The following GABARAP variants were observed in gnomAD, a reference collection of about 807,000 sequenced individuals.
The protein encoded by GABARAP is GABA type A receptor-associated protein, also known as gamma-aminobutyric acid receptor-associated protein.
In GABARAP, 5 loss-of-function variants were observed where a neutral mutation model predicts 16.7. The observed-to-expected ratio is 0.30, with a 90% CI of 0.16 to 0.63. The LOEUF is 0.63. Ranked by LOEUF, GABARAP falls within the 20% of genes least tolerant of loss-of-function variation. GABARAP has a pLI of 0.82. For synonymous variants in GABARAP, 45 were observed against 52.7 expected, an observed-to-expected ratio of 0.85 and a Z score of 0.64; for missense variants, 84 against 146.6, an observed-to-expected ratio of 0.57 and a Z score of 2.21.
rs554573710 is a variant in GABARAP at position 7,240,759 on chromosome 17, G to T, written c.*95C>A. On this transcript the variant is annotated 3_prime_UTR_variant, in exon 4 of 4. Coordinates refer to ENST00000302386, the MANE Select transcript of GABARAP (RefSeq NM_007278.2). ...GAAGTGCCGGTCCTGAATAAGGGAG[G>T]TGGTGTTTGAGCTTGAAGGAGGAGG... 3.8e-6 allele frequency: 3 copies of T among 798,954 alleles called. No individual in the cohort carries two copies. The Admixed American group carries it at 5.6e-5, about 15-fold the overall frequency. The allele number at this position is 798,954 out of a possible 1,614,324, so 49.5% of individuals were successfully genotyped here.
chr17:7,241,557 C>T, intron 2 of GABARAP, 44 bp downstream of exon 2: 3 of 1,450,488 alleles, frequency 2.1e-6, no homozygotes, highest in Non-Finnish European at 2.9e-6. Context: ...AGACTGCACT[C>T]CCACCCACAG....
rs1382637057 is a variant in GABARAP at position 7,241,677 on chromosome 17, C to T, written c.93G>A (p.Val31=). Residue 31 remains valine (V), a splice_region_variant and synonymous_variant, in exon 2 of 4, where the codon GTG becomes GTA. Coordinates refer to ENST00000302386, the MANE Select transcript of GABARAP (RefSeq NM_007278.2). ...GAGCTTTGGGAGCCTTTTCTACTAT[C>T]ACCTGATAAAGAGATGAAAATTAGG... is the stretch of plus-strand genomic sequence containing the variant. ...IRKKYPDRVP[V]IVEKAPKARI... is the part of the protein sequence containing the mutation. 5 of 1,590,974 alleles carry T rather than the reference C, an allele frequency of 3.1e-6. No individual in the cohort carries two copies. The Admixed American group carries it at 6.7e-5, about 21-fold the overall frequency.
chr17:7,240,235 A>G lies in GABARAP; in HGVS notation c.*619T>C, dbSNP rs1160676989. 6.6e-6 allele frequency: 1 copy of G among 152,344 alleles called. No individual in the cohort carries two copies. Among genetic ancestry groups the G allele is most frequent in the East Asian group, 1.9e-4 (1 of 5,204 alleles). The allele number at this position is 152,344 out of a possible 1,614,324, so 9.4% of individuals were successfully genotyped here. A position where few individuals can be genotyped will look rare whatever the true frequency, so the allele number is the denominator to read the frequency against. ...ATAATCCTCAGTATTCCATTCCATC[A>G]CAACAAAAGCACCCTCTTTTTGCAG... On this transcript the variant is annotated 3_prime_UTR_variant, in exon 4 of 4. Transcript: ENST00000302386.
Position 7,242,352 on chromosome 17 carries a change from C to T in GABARAP, c.-22G>A, listed in dbSNP as rs1408163535. ...TCATCCTCCCGGGAACCGGGCTGGACAGGGCTGGGCTGAGGGAACCCAGGG... is the reference window on the plus strand; with the variant it reads ...TCATCCTCCCGGGAACCGGGCTGGATAGGGCTGGGCTGAGGGAACCCAGGG... On this transcript the variant is annotated 5_prime_UTR_variant, in exon 1 of 4. Transcript: ENST00000302386. 12 of 1,594,064 alleles carry T rather than the reference C, an allele frequency of 7.5e-6. No individual in the cohort carries two copies. The highest frequency in any genetic ancestry group is 1.7e-4 in the Middle Eastern group (1 of 6,032).
chr17:7,240,787 G>A lies in GABARAP; in HGVS notation c.*67C>T, dbSNP rs2071768006. ...GTGTTTGAGCTTGAAGGAGGAGGAG[G>A]TCAAGAAAGGGGGGCCACCTCTCTC... On this transcript the variant is annotated 3_prime_UTR_variant, in exon 4 of 4. Transcript: ENST00000302386. 2.9e-6 allele frequency: 3 copies of A among 1,044,450 alleles called. No individual in the cohort carries two copies. The highest frequency in any genetic ancestry group is 1.6e-5 in the African/African-American group (1 of 63,522). The allele number at this position is 1,044,450 out of a possible 1,614,324, so 64.7% of individuals were successfully genotyped here. A position where few individuals can be genotyped will look rare whatever the true frequency, so the allele number is the denominator to read the frequency against.
chr17:7,240,108 A>C lies in GABARAP; in HGVS notation c.*746T>G, dbSNP rs1000459012. 2 of 152,234 alleles carry C rather than the reference A, an allele frequency of 1.3e-5. No individual in the cohort carries two copies. The highest frequency in any genetic ancestry group is 2.9e-5 in the Non-Finnish European group (2 of 68,036). The allele number at this position is 152,234 out of a possible 1,614,324, so 9.4% of individuals were successfully genotyped here. A position where few individuals can be genotyped will look rare whatever the true frequency, so the allele number is the denominator to read the frequency against. On this transcript the variant is annotated 3_prime_UTR_variant, in exon 4 of 4. Transcript: ENST00000302386. ...TGTTCACCTAAAGCAGGTACTTCGG[A>C]ACTTTCTCCACAGGAACCCACAGTA...
Position 7,241,620 on chromosome 17 carries a change from C to T in GABARAP, c.150G>A (p.Leu50=). The change falls in exon 2 of 4, where the codon CTG becomes CTA. Residue 50 remains leucine, a synonymous_variant. Coordinates refer to ENST00000302386, the MANE Select transcript of GABARAP (RefSeq NM_007278.2). ...RIGDLDKKKY[L]VPSDLTVGQF... ...TCCCACCTGTGAGATCAGAAGGCACCAGGTATTTCTTTTTGTCCAGGTCTC... is the reference window on the plus strand; with the variant it reads ...TCCCACCTGTGAGATCAGAAGGCACTAGGTATTTCTTTTTGTCCAGGTCTC... The T allele has an allele frequency of 6.2e-7, 1 of 1,611,654 alleles. No individual in the cohort carries two copies. Among genetic ancestry groups the T allele is most frequent in the South Asian group, 1.1e-5 (1 of 91,054 alleles).
Position 7,240,559 on chromosome 17 carries a change from G to A in GABARAP, c.*295C>T. 3.2e-6 allele frequency: 1 copy of A among 313,232 alleles called. No homozygotes were observed. The highest frequency in any genetic ancestry group is 6.0e-6 in the Non-Finnish European group (1 of 166,388). The allele number at this position is 313,232 out of a possible 1,614,324, so 19.4% of individuals were successfully genotyped here. A position where few individuals can be genotyped will look rare whatever the true frequency, so the allele number is the denominator to read the frequency against. On this transcript the variant is annotated 3_prime_UTR_variant, in exon 4 of 4. Coordinates refer to ENST00000302386, the MANE Select transcript of GABARAP (RefSeq NM_007278.2). ...CTGAGCCCCTTGGGCAGTCAGAAAG[G>A]GAACAGAAACCAAAACAATCACTGG...
At position 7,240,578 on chromosome 17, in the gene GABARAP, T is replaced by G. The variant is rs2071765303; in HGVS notation, c.*276A>C. The G allele has an allele frequency of 2.8e-6, 1 of 356,104 alleles. No individual in the cohort carries two copies. Among genetic ancestry groups the G allele is most frequent in the Admixed American group, 4.5e-5 (1 of 22,102 alleles). The allele number at this position is 356,104 out of a possible 1,614,324, so 22.1% of individuals were successfully genotyped here. ...AGAAAGGGAACAGAAACCAAAACAA[T>G]CACTGGATGTGACACAGACTGACAA... On this transcript the variant is annotated 3_prime_UTR_variant, in exon 4 of 4. Transcript: ENST00000302386.
chr17:7,241,310 C>G, intron 3 of GABARAP, 32 bp downstream of exon 3: 1 of 1,017,816 alleles, frequency 9.8e-7, no homozygotes, highest in Non-Finnish European at 1.6e-6. Context: ...AGATTCCTCT[C>G]CAAAGCCTCC....
rs762344521 is a variant in GABARAP at position 7,241,329 on chromosome 17, C to G, written c.288+13G>C. ...TCCTCTCCAAAGCCTCCACCACTTC[C>G]CAGTCACCATACCTGGTACAGCTGA... On this transcript the variant is annotated intron_variant, in intron 3 of 3. Transcript: ENST00000302386. The G allele has an allele frequency of 8.5e-7, 1 of 1,181,946 alleles. No individual in the cohort carries two copies. The highest frequency in any genetic ancestry group is 1.3e-6 in the Non-Finnish European group (1 of 786,122). 73.2% of individuals were successfully genotyped at this position (1,181,946 alleles called of 1,614,324 possible). A position where few individuals can be genotyped will look rare whatever the true frequency, so the allele number is the denominator to read the frequency against.
intron 3 of GABARAP, 197 bp downstream of exon 3, chr17:7,241,145 T>TA: frequency 1.5e-6 from 1 of 680,410 alleles, no homozygotes; most frequent in East Asian, 2.5e-5. Context: ...CCCGAACAGA[T>TA]AGTTTCTCTA....
Position 7,240,866 on chromosome 17 carries a change from G to C in GABARAP, c.342C>G (p.Val114=). The C allele has an allele frequency of 6.2e-7, 1 of 1,611,172 alleles. No individual in the cohort carries two copies. The highest frequency in any genetic ancestry group is 8.5e-7 in the Non-Finnish European group (1 of 1,177,454). The change falls in exon 4 of 4, where the codon GTC becomes GTG. Residue 114 remains valine (V), a synonymous_variant. Coordinates refer to ENST00000302386, the MANE Select transcript of GABARAP (RefSeq NM_007278.2). ...AGGGGCAGCAGCTTCACAGACCGTA[G>C]ACACTTTCGTCACTGTAGGCAATGT... ...FLYIAYSDES[V]YGL
chr17:7,242,111 C>A, intron 1 of GABARAP, 130 bp downstream of exon 1: 2 of 673,434 alleles, frequency 3.0e-6, no homozygotes, highest in Non-Finnish European at 2.6e-6. Flanking sequence ...CCAAGGACAG[C>A]AGTTTCAGGC....
Position 7,240,838 on chromosome 17 carries a change from C to T in GABARAP, c.*16G>A. On this transcript the variant is annotated 3_prime_UTR_variant, in exon 4 of 4. Coordinates refer to ENST00000302386, the MANE Select transcript of GABARAP (RefSeq NM_007278.2). Reference sequence around the variant, plus strand: ...TTTGTAGAATGAGACCCCCCTCCAGCTCAGGGGCAGCAGCTTCACAGACCG... The same window carrying T: ...TTTGTAGAATGAGACCCCCCTCCAGTTCAGGGGCAGCAGCTTCACAGACCG... 2 of 1,591,346 alleles carry T rather than the reference C, an allele frequency of 1.3e-6. No homozygotes were observed. Among genetic ancestry groups the T allele is most frequent in the Non-Finnish European group, 1.7e-6 (2 of 1,159,580 alleles).
Position 7,241,215 on chromosome 17 carries a change from G to C in GABARAP, c.288+127C>G, listed in dbSNP as rs559103446. On this transcript the variant is annotated intron_variant, in intron 3 of 3. Transcript: ENST00000302386. The stretch of plus-strand genomic sequence containing the variant: ...TGTTCTGTCCAAACCCCCAACCCAC[G>C]GCTATTATGAAACTTTAAGGCAAGC... 321 of 720,732 alleles carry C rather than the reference G, an allele frequency of 4.5e-4. 3 individuals carry two copies. In the South Asian group the frequency reaches 4.9e-3, roughly 11 times the overall value. 44.6% of individuals were successfully genotyped at this position (720,732 alleles called of 1,614,324 possible).
chr17:7,241,463 G>A lies in GABARAP; in HGVS notation c.170-3C>T. ...GATCAAGAAGTAGAACTGACCAACT[G>A]CAAAAGATACAAGATGCAAGAAAGT... On this transcript the variant is annotated splice_polypyrimidine_tract_variant and splice_region_variant and intron_variant, in intron 2 of 3. Coordinates refer to ENST00000302386, the MANE Select transcript of GABARAP (RefSeq NM_007278.2). 1 of 1,482,062 alleles carries A rather than the reference G, an allele frequency of 6.7e-7. No individual in the cohort carries two copies. The highest frequency in any genetic ancestry group is 1.4e-5 in the African/African-American group (1 of 72,414). The allele number at this position is 1,482,062 out of a possible 1,614,324, so 91.8% of individuals were successfully genotyped here. A position where few individuals can be genotyped will look rare whatever the true frequency, so the allele number is the denominator to read the frequency against.
chr17:7,241,914 CAG>C (rs1291676548), intron 1 of GABARAP: 6 of 238,048 alleles, frequency 2.5e-5, no homozygotes, highest in Admixed American at 1.7e-4. Flanking sequence ...CTATCTTAAT[CAG>C]ACGGAGGTGA....
intron 1 of GABARAP, chr17:7,241,972 T>G: frequency 1.7e-6 from 1 of 595,678 alleles, no homozygotes; most frequent in Non-Finnish European, 3.0e-6. Context: ...CTTAGCTAGC[T>G]GGGGGGATGA....
Sources: allele counts gnomAD v4.1 joint callset, GRCh38; gene constraint gnomAD v4.1.1; transcripts MANE v1.5; gene names NCBI Gene and HGNC (gene_info 2026-07-23, HGNC 2026-07-21).